The following GTF2IRD1 variants were observed in gnomAD, a reference collection of about 807,000 sequenced individuals.
GTF2IRD1 encodes GTF2I repeat domain containing 1.
In GTF2IRD1, 26 loss-of-function variants were observed where a neutral mutation model predicts 113.2. The ratio of observed to expected loss-of-function variants is 0.23; its 90% CI spans 0.17 to 0.32. The LOEUF (loss-of-function observed/expected upper bound fraction) is 0.32, where lower values mean the gene tolerates loss of function less well. GTF2IRD1 is among the 10% of genes least tolerant of loss of function. The probability of loss-of-function intolerance (pLI) is 1.00; values close to 1 mark genes in which losing one functional copy is unlikely to be tolerated. For synonymous variants in GTF2IRD1, 484 were observed against 529.1 expected (o/e 0.91, Z 1.17); for missense variants, 864 against 1,280.8 (o/e 0.67, Z 4.97).
intron 25 of GTF2IRD1, among the ~76,000 whole-genome samples, chr7:74,596,558 A>G (rs1802428427): frequency 6.6e-6 from 1 of 151,556 alleles, no homozygotes; most frequent in South Asian, 2.1e-4. Context: ...TGGAAGAATC[A>G]CTTTAGTCCA....
At chr7:74,571,116 G>T in intron 22 of GTF2IRD1, 1 of 985,408 alleles carries the variant, frequency 1.0e-6, no homozygotes, top group Non-Finnish European at 1.2e-6. Context: ...TCCTTCCCCA[G>T]AGCAGGGGCT....
intron 1 of GTF2IRD1, among the ~76,000 whole-genome samples, chr7:74,490,643 G>A (rs951476633): frequency 6.6e-6 from 1 of 151,704 alleles, no homozygotes; most frequent in Non-Finnish European, 1.5e-5. Flanking sequence ...CGGATGGTGC[G>A]GGGGCCGTGT....
chr7:74,551,798 T>A (rs1554355098), intron 17 of GTF2IRD1, among the ~76,000 whole-genome samples: 1 of 151,910 alleles, frequency 6.6e-6, no homozygotes, highest in Admixed American at 6.6e-5. Flanking sequence ...TAGCCGGGTG[T>A]GGTGGCGTGT....
chr7:74,470,805 G>T (rs1353696899), intron 1 of GTF2IRD1, among the ~76,000 whole-genome samples: 2 of 151,992 alleles, frequency 1.3e-5, no homozygotes, highest in African/African-American at 4.8e-5. Flanking sequence ...CTGTTCATAT[G>T]TGGGGTTTTT....
chr7:74,538,462 G>A (rs113341663), intron 12 of GTF2IRD1, among the ~76,000 whole-genome samples: 4,050 of 152,294 alleles, frequency 0.027, 95 homozygotes, highest in East Asian at 0.081. Context: ...CCTCTGGGGG[G>A]CCTCAGTCAC....
intron 1 of GTF2IRD1, among the ~76,000 whole-genome samples, chr7:74,484,809 G>A (rs1384487697): frequency 1.3e-5 from 2 of 152,120 alleles, no homozygotes; most frequent in South Asian, 2.1e-4. Context: ...ATAGACTGTG[G>A]TTTTTTATCC....
At chr7:74,467,617 C>T (rs993608010) in intron 1 of GTF2IRD1, among the ~76,000 whole-genome samples, 13 of 152,288 alleles carry the variant, frequency 8.5e-5, no homozygotes, top group African/African-American at 2.9e-4. Context: ...TTGCCTGCCT[C>T]AGCTTCCCGA....
intron 1 of GTF2IRD1, among the ~76,000 whole-genome samples, chr7:74,492,264 G>A (rs1253821092): frequency 3.3e-5 from 5 of 151,096 alleles, no homozygotes; most frequent in South Asian, 2.1e-4. Context: ...TCTGCCTCCC[G>A]GGTTCACGCC....
At chr7:74,601,311 G>A (rs1354182454) in intron 26 of GTF2IRD1, 131 bp downstream of exon 26, 16 of 1,542,392 alleles carry the variant, frequency 1.0e-5, no homozygotes, top group Middle Eastern at 1.7e-4. Context: ...GGGACCTTCC[G>A]GCCTCGGGGG....
rs782484155 is a variant in GTF2IRD1 at position 74,585,609 on chromosome 7, T to C, written c.2321-4242T>C. On this transcript the variant is annotated intron_variant, in intron 22 of 26. Coordinates refer to ENST00000424337, the MANE Select transcript of GTF2IRD1 (RefSeq NM_005685.4). ...CAGCTACTGTAGGGGAGCCTGGGCA[T>C]GGTGGTTCACGTCTGTAATCCCAGC... Among the ~76,000 whole-genome samples, 6 of 152,042 alleles carry C rather than the reference T, an allele frequency of 3.9e-5. No homozygotes were observed. In the East Asian group the frequency reaches 1.2e-3, roughly 30 times the overall value.
chr7:74,530,844 C>T (rs1797925378), intron 9 of GTF2IRD1, among the ~76,000 whole-genome samples: 1 of 152,140 alleles, frequency 6.6e-6, no homozygotes, highest in African/African-American at 2.4e-5. Flanking sequence ...CCACTCTGTG[C>T]CTCATTTACA....
intron 9 of GTF2IRD1, among the ~76,000 whole-genome samples, chr7:74,530,586 TAAA>T (rs58675988): frequency 7.7e-5 from 3 of 38,942 alleles, no homozygotes; most frequent in Non-Finnish European, 1.3e-4. Flanking sequence ...CCCTGTTTCT[TAAA>T]AAAAAAAAAA....
At chr7:74,469,636 T>C (rs2116990948) in intron 1 of GTF2IRD1, among the ~76,000 whole-genome samples, 1 of 152,330 alleles carries the variant, frequency 6.6e-6, no homozygotes, top group Non-Finnish European at 1.5e-5. Context: ...CAAATAATAT[T>C]CCATTTAATG....
intron 1 of GTF2IRD1, among the ~76,000 whole-genome samples, chr7:74,468,144 T>C (rs1368058053): frequency 6.6e-6 from 1 of 152,138 alleles, no homozygotes; most frequent in Admixed American, 6.6e-5. Flanking sequence ...CTGTCCCCTG[T>C]CATTTAGGGC....
chr7:74,492,771 C>T (rs1231228324), intron 1 of GTF2IRD1, among the ~76,000 whole-genome samples: 2 of 151,860 alleles, frequency 1.3e-5, no homozygotes, highest in East Asian at 1.9e-4. Context: ...CAGAGGCTCT[C>T]GGGGGGAATC....
chr7:74,463,420 G>A (rs1318796941), intron 1 of GTF2IRD1, among the ~76,000 whole-genome samples: 1 of 152,114 alleles, frequency 6.6e-6, no homozygotes, highest in Non-Finnish European at 1.5e-5. Flanking sequence ...ATTTTGTAGA[G>A]ATGGGGGTCT....
At chr7:74,517,427 CTTTTTTTTTTTTTT>C (rs59499031) in intron 4 of GTF2IRD1, among the ~76,000 whole-genome samples, 2 of 77,402 alleles carry the variant, frequency 2.6e-5, no homozygotes, top group Admixed American at 3.3e-4. Context: ...CTCCCTACAC[CTTTTTTTTTTTTTT>C]TTTTTTTTTG....
rs587630987 is a variant in GTF2IRD1, at chr7:74,537,422, A to C, written c.1410-714A>C. Among the ~76,000 whole-genome samples the C allele has an allele frequency of 1.8e-4, 28 of 152,198 alleles. 1 individual carries two copies. Among genetic ancestry groups the C allele is most frequent in the Admixed American group, 1.2e-3 (19 of 15,292 alleles). ...AACAAGACTCCGTCTCAAAAAAAAA[A>C]AACAAAAAAAACATGGATGCATGTA... On this transcript the variant is annotated intron_variant, in intron 11 of 26. Transcript: ENST00000424337.
Position 74,555,539 on chromosome 7 carries a change from C to T in GTF2IRD1, c.2023+45C>T. On this transcript the variant is annotated intron_variant, in intron 19 of 26. Transcript: ENST00000424337. The surrounding 1 kb of genome is among the most constrained non-coding windows in gnomAD (Gnocchi z 5.3). ...GAGGTCTGTTGTCCCAGCACCAGGA[C>T]ATTGACCTGGTTTGGGTTTGGAGGG... The T allele has an allele frequency of 7.9e-7, 1 of 1,264,722 alleles. No homozygotes were observed. 78.3% of individuals were successfully genotyped at this position (1,264,722 alleles called of 1,614,324 possible). A position where few individuals can be genotyped will look rare whatever the true frequency, so the allele number is the denominator to read the frequency against.
Sources: gnomAD v4.1 joint callset for allele counts (sites outside exome capture counted in the v4.1 genomes callset) on GRCh38, gnomAD v4.1.1 for gene constraint, Gnocchi (gnomAD v3.1) non-coding constraint, MANE v1.5 for transcripts, NCBI Gene and HGNC (gene_info 2026-07-23, HGNC 2026-07-21) for gene names.